The following NXPE2 variants were observed in gnomAD, a reference collection of about 807,000 sequenced individuals.
The protein encoded by NXPE2 is NXPE family member 2.
A neutral mutation model predicts 34.4 loss-of-function variants in NXPE2; 34 were observed. The observed-to-expected ratio is 0.99, with a 90% confidence interval of 0.75 to 1.31. The LOEUF is 1.31. NXPE2 is among the 40% of genes most tolerant of loss of function. The pLI is 0.00. For missense variants in NXPE2, 649 were observed against 672.5 expected (o/e 0.97, Z 0.39); for synonymous variants, 235 against 231.3 (o/e 1.02, Z -0.15).
At chr11:114,809,633 G>A in the NXPE2 span, among the ~76,000 whole-genome samples, 1 of 12,750 alleles carries the variant, frequency 7.8e-5, no homozygotes, top group South Asian at 0.026. Context: ...CAACTTACAA[G>A]GGACATGAAG....
chr11:114,611,311 T>G, the NXPE2 span, among the ~76,000 whole-genome samples: 1 of 151,868 alleles, frequency 6.6e-6, no homozygotes, highest in South Asian at 2.1e-4. Flanking sequence ...GGGTAATCAC[T>G]GTTACCCAGT....
At chr11:114,764,881 G>A in the NXPE2 span, among the ~76,000 whole-genome samples, 4 of 152,178 alleles carry the variant, frequency 2.6e-5, no homozygotes, top group East Asian at 1.9e-4. Context: ...AATGTACCTC[G>A]TTCTCACCTC....
At chr11:114,755,707 T>G in the NXPE2 span, among the ~76,000 whole-genome samples, 1 of 150,902 alleles carries the variant, frequency 6.6e-6, no homozygotes, top group Non-Finnish European at 1.5e-5. Flanking sequence ...CATCTATCTA[T>G]CCATCTATCT....
chr11:114,677,421 T>C (rs1454771093), upstream of NXPE2, among the ~76,000 whole-genome samples: 1 of 152,054 alleles, frequency 6.6e-6, no homozygotes, highest in Non-Finnish European at 1.5e-5. Context: ...GAACTGTACC[T>C]CAATAAAGTT....
the NXPE2 span, among the ~76,000 whole-genome samples, chr11:114,769,724 A>C: frequency 1.3e-5 from 2 of 152,202 alleles, no homozygotes; most frequent in South Asian, 2.1e-4. Flanking sequence ...CAGAAATCCA[A>C]ACACTGCATG....
chr11:114,522,489 CA>C, the NXPE2 span: 1 of 1,593,612 alleles, frequency 6.3e-7, no homozygotes, highest in Non-Finnish European at 8.5e-7. Context: ...TCATGAAGAT[CA>C]AAAAACTTCA....
the NXPE2 span, among the ~76,000 whole-genome samples, chr11:114,476,331 A>G: frequency 6.6e-6 from 1 of 152,226 alleles, no homozygotes; most frequent in Non-Finnish European, 1.5e-5. Context: ...ACATGTACAA[A>G]TTAGCTCTTC....
At chr11:114,706,144 G>A (rs1488308574) in intron 5 of NXPE2, 148 bp downstream of exon 5, 4 of 437,172 alleles carry the variant, frequency 9.1e-6, no homozygotes, top group Admixed American at 4.7e-5. Flanking sequence ...TTGGCTTTGG[G>A]CTTTTAATAA....
the NXPE2 span, among the ~76,000 whole-genome samples, chr11:114,652,091 T>A: frequency 1.3e-5 from 2 of 151,866 alleles, no homozygotes; most frequent in Non-Finnish European, 2.9e-5. Context: ...AATACTTAAA[T>A]TTTTTTTTAA....
At chr11:114,682,513 A>T (rs1014600304) in intron 2 of NXPE2, among the ~76,000 whole-genome samples, 2 of 152,172 alleles carry the variant, frequency 1.3e-5, no homozygotes, top group African/African-American at 4.8e-5. Context: ...GTCAGAGCTT[A>T]AGTTTAGCAG....
At chr11:114,588,385 A>C in the NXPE2 span, among the ~76,000 whole-genome samples, 27,583 of 152,142 alleles carry the variant, frequency 0.18, 2,865 homozygotes, top group Non-Finnish European at 0.22. Flanking sequence ...TAAGTATATA[A>C]AAGCTTTCCA....
At chr11:114,639,660 A>G in the NXPE2 span, among the ~76,000 whole-genome samples, 2 of 142,782 alleles carry the variant, frequency 1.4e-5, no homozygotes, top group African/African-American at 5.2e-5. Context: ...TATATAATTT[A>G]CTTGTATTAT....
At chr11:114,601,486 T>A in the NXPE2 span, among the ~76,000 whole-genome samples, 3 of 119,286 alleles carry the variant, frequency 2.5e-5, no homozygotes, top group Admixed American at 1.3e-4. Context: ...ATAAATTAAA[T>A]ATTTATTATA....
At chr11:114,706,152 TA>T (rs1367861923) in intron 5 of NXPE2, among the ~76,000 whole-genome samples, 156 bp downstream of exon 5, 1 of 151,912 alleles carries the variant, frequency 6.6e-6, no homozygotes, top group Non-Finnish European at 1.5e-5. Flanking sequence ...GGGCTTTTAA[TA>T]AAAAGTTAAA....
chr11:114,758,331 C>T, the NXPE2 span, among the ~76,000 whole-genome samples: 1 of 152,176 alleles, frequency 6.6e-6, no homozygotes, highest in Non-Finnish European at 1.5e-5. Context: ...GCCTAGCTTC[C>T]TACCTAAAGA....
At chr11:114,718,892 G>C in the NXPE2 span, among the ~76,000 whole-genome samples, 2 of 152,072 alleles carry the variant, frequency 1.3e-5, no homozygotes, top group Non-Finnish European at 2.9e-5. Context: ...CCAAAGTAAT[G>C]GTATTAAGAA....
At chr11:114,586,951 C>T in the NXPE2 span, among the ~76,000 whole-genome samples, 1 of 152,136 alleles carries the variant, frequency 6.6e-6, no homozygotes, top group Admixed American at 6.6e-5. Context: ...CAGAGGTCCT[C>T]CTTCCCTCCC....
At chr11:114,754,316 G>C in the NXPE2 span, among the ~76,000 whole-genome samples, 1 of 152,018 alleles carries the variant, frequency 6.6e-6, no homozygotes, top group Non-Finnish European at 1.5e-5. Context: ...CTGACCACCT[G>C]TGTTCCCTGC....
chr11:114,803,953 G>T, the NXPE2 span, among the ~76,000 whole-genome samples: 1 of 152,074 alleles, frequency 6.6e-6, no homozygotes, highest in East Asian at 1.9e-4. Flanking sequence ...ACCCCCCAAA[G>T]GTCCTCCATT....
Sources: gnomAD v4.1 joint callset for allele counts (sites outside exome capture counted in the v4.1 genomes callset) on GRCh38, gnomAD v4.1.1 for gene constraint, MANE v1.5 for transcripts, NCBI Gene and HGNC (gene_info 2026-07-23, HGNC 2026-07-21) for gene names.